Variants in SYNPR observed in about 807,000 individuals in gnomAD.
SYNPR encodes synaptoporin.
Under a neutral mutation model 32.9 loss-of-function variants are expected in SYNPR, and 23 were observed. The ratio of observed to expected loss-of-function variants is 0.70; its 90% confidence interval spans 0.50 to 0.99. The LOEUF (loss-of-function observed/expected upper bound fraction) is 0.99. Among genes scored for constraint, SYNPR ranks in the 50% least tolerant of loss-of-function variants. The pLI is 0.00. For missense variants in SYNPR, 318 were observed against 349.3 expected, an observed-to-expected ratio of 0.91 and a Z score of 0.71; for synonymous variants, 146 against 135.9, an observed-to-expected ratio of 1.07 and a Z score of -0.52.
intron 2 of SYNPR, among the ~76,000 whole-genome samples, chr3:63,285,376 T>TAA (rs11400989): frequency 6.6e-6 from 1 of 151,966 alleles, no homozygotes; most frequent in African/African-American, 2.4e-5. Context: ...CCTCTTTTGT[T>TAA]AAAAAAAGTG....
At chr3:63,302,982 C>A (rs2086872838) in intron 2 of SYNPR, among the ~76,000 whole-genome samples, 1 of 151,608 alleles carries the variant, frequency 6.6e-6, no homozygotes, top group Non-Finnish European at 1.5e-5. Flanking sequence ...TCAATCTTTA[C>A]AAATCATGCG....
At chr3:63,405,973 C>T (rs1368042629) in intron 2 of SYNPR, among the ~76,000 whole-genome samples, 2 of 152,070 alleles carry the variant, frequency 1.3e-5, no homozygotes, top group Non-Finnish European at 2.9e-5. Flanking sequence ...CACAACACCA[C>T]CTGGAGATGG....
chr3:63,570,311 T>C (rs1033564989), intron 4 of SYNPR, among the ~76,000 whole-genome samples: 1 of 152,130 alleles, frequency 6.6e-6, no homozygotes, highest in Non-Finnish European at 1.5e-5. Flanking sequence ...CTTCCATTCT[T>C]CCAATCTGTT....
At chr3:63,208,881 C>G in the SYNPR span, among the ~76,000 whole-genome samples, 1 of 152,100 alleles carries the variant, frequency 6.6e-6, no homozygotes, top group African/African-American at 2.4e-5. Flanking sequence ...ATAAAGAAAT[C>G]TATTTACCTT....
At chr3:63,582,343 T>C (rs2106863400) in intron 4 of SYNPR, among the ~76,000 whole-genome samples, 1 of 152,186 alleles carries the variant, frequency 6.6e-6, no homozygotes, top group East Asian at 1.9e-4. Context: ...GCTAATTCCT[T>C]TTTCTCATCA....
At chr3:63,408,414 C>T (rs2088418421) in intron 2 of SYNPR, among the ~76,000 whole-genome samples, 2 of 151,872 alleles carry the variant, frequency 1.3e-5, no homozygotes, top group South Asian at 4.2e-4. Context: ...GGGATGAGCT[C>T]ATGTGATCAT....
At chr3:63,268,754 C>T (rs1034572933) in intron 3 of SYNPR, among the ~76,000 whole-genome samples, 1 of 152,084 alleles carries the variant, frequency 6.6e-6, no homozygotes, top group African/African-American at 2.4e-5. Context: ...TCACACAGTT[C>T]AAACCCATGT....
chr3:63,399,938 C>T (rs868401242), intron 2 of SYNPR, among the ~76,000 whole-genome samples: 10 of 152,130 alleles, frequency 6.6e-5, no homozygotes, highest in African/African-American at 2.2e-4. Context: ...TGTGCGTATC[C>T]TATTTCCATG....
At position 63,499,619 on chromosome 3, in the gene SYNPR, G is replaced by A. The variant is rs188059589; in HGVS notation, c.209+18663G>A. ...TTCAGAGGTGAAGGAAAGTATCAGA[G>A]GAACAAAGACACCTTGAGAAACCAG... On this transcript the variant is annotated intron_variant, in intron 3 of 5. Coordinates refer to ENST00000478300, the MANE Select transcript of SYNPR (RefSeq NM_001130003.2). 2.6e-3 allele frequency among the ~76,000 whole-genome samples: 391 copies of A among 152,224 alleles called. 2 individuals carry two copies. The highest frequency in any genetic ancestry group is 8.9e-3 in the African/African-American group (369 of 41,556).
At chr3:63,499,662 G>A (rs1701441254) in intron 3 of SYNPR, among the ~76,000 whole-genome samples, 1 of 152,152 alleles carries the variant, frequency 6.6e-6, no homozygotes, top group Non-Finnish European at 1.5e-5. Flanking sequence ...CATGTCCTGT[G>A]ACAGAGACGG....
chr3:63,261,698 C>G (rs536059225), intron 2 of SYNPR, among the ~76,000 whole-genome samples: 34 of 131,858 alleles, frequency 2.6e-4, no homozygotes, highest in African/African-American at 1.0e-3. Context: ...CATATGTACC[C>G]TAAAACTTAA....
At chr3:63,283,810 C>CTTTTTTTTTTTTTTTTTTTT (rs142282438) in intron 2 of SYNPR, among the ~76,000 whole-genome samples, 2 of 87,136 alleles carry the variant, frequency 2.3e-5, no homozygotes, top group African/African-American at 9.8e-5. Flanking sequence ...AGATAATTAC[C>CTTTTTTTTTTTTTTTTTTTT]TTTTTTTTTT....
chr3:63,270,393 G>T (rs1171118555), intron 3 of SYNPR, among the ~76,000 whole-genome samples: 4 of 152,072 alleles, frequency 2.6e-5, no homozygotes, highest in African/African-American at 4.8e-5. Flanking sequence ...AAGATCAAAT[G>T]ATTTTGCAAA....
chr3:63,516,614 C>T (rs1161437451), intron 3 of SYNPR, among the ~76,000 whole-genome samples: 1 of 152,096 alleles, frequency 6.6e-6, no homozygotes, highest in Admixed American at 6.6e-5. Flanking sequence ...TCAAATTAAG[C>T]TATCAAGTAG....
chr3:63,570,017 C>G (rs1405303137), intron 4 of SYNPR, among the ~76,000 whole-genome samples: 1 of 152,110 alleles, frequency 6.6e-6, no homozygotes, highest in East Asian at 1.9e-4. Flanking sequence ...AGCCATCTTC[C>G]GCAGCTTTCA....
At chr3:63,319,830 A>G (rs913459829) in intron 2 of SYNPR, among the ~76,000 whole-genome samples, 4 of 152,068 alleles carry the variant, frequency 2.6e-5, no homozygotes, top group Non-Finnish European at 4.4e-5. Flanking sequence ...AGAAAGTACT[A>G]TATCATGTTG....
intron 2 of SYNPR, among the ~76,000 whole-genome samples, chr3:63,260,094 T>C (rs1314422575): frequency 1.3e-5 from 2 of 152,144 alleles, no homozygotes; most frequent in African/African-American, 2.4e-5. Context: ...TGGAAGAACA[T>C]TCCATGCTCA....
intron 2 of SYNPR, among the ~76,000 whole-genome samples, chr3:63,462,227 T>C (rs1008840743): frequency 2.0e-5 from 3 of 152,098 alleles, no homozygotes; most frequent in African/African-American, 4.8e-5. Context: ...AAGCCTTCCT[T>C]GTTCACCTTA....
chr3:63,287,031 C>G (rs556363847), intron 2 of SYNPR, among the ~76,000 whole-genome samples: 2 of 152,254 alleles, frequency 1.3e-5, no homozygotes, highest in East Asian at 1.9e-4. Context: ...GAACTAAGTC[C>G]TTCCAACCAC....
Sources: allele counts gnomAD v4.1 joint callset (sites outside exome capture counted in the v4.1 genomes callset), GRCh38; gene constraint gnomAD v4.1.1; transcripts MANE v1.5; gene names NCBI Gene and HGNC (gene_info 2026-07-23, HGNC 2026-07-21).